The following SCAPER variants were observed in gnomAD, a reference collection of about 807,000 sequenced individuals.
SCAPER encodes the protein S-phase cyclin A associated protein in the ER, also known as S phase cyclin A-associated protein in the endoplasmic reticulum.
In SCAPER, 98 loss-of-function variants were observed where a neutral mutation model predicts 182.2. The ratio of observed to expected loss-of-function variants is 0.54; its 90% CI spans 0.46 to 0.64. The LOEUF (loss-of-function observed/expected upper bound fraction) is 0.64, where lower values mean the gene tolerates loss of function less well. SCAPER is among the 30% of genes least tolerant of loss of function. The pLI, the probability that SCAPER is intolerant of heterozygous loss-of-function variation, is 0.00. For missense variants in SCAPER, 1,432 were observed against 1,690.0 expected (o/e 0.85, Z 2.68); for synonymous variants, 605 against 564.6 (o/e 1.07, Z -1.01).
In SCAPER at chr15:76,804,641, A is replaced by G; in HGVS notation, c.394-8T>C. 1 of 1,549,024 alleles carries G rather than the reference A, an allele frequency of 6.5e-7. No individual in the cohort carries two copies. Among genetic ancestry groups the G allele is most frequent in the Non-Finnish European group, 8.7e-7 (1 of 1,143,450 alleles). ...CAGCATCATTAGCACCTCCTAAAAGAAACAAAACAAAAAAAAATTAAATTC... is the reference window on the plus strand; with the variant it reads ...CAGCATCATTAGCACCTCCTAAAAGGAACAAAACAAAAAAAAATTAAATTC... On this transcript the variant is annotated splice_region_variant and splice_polypyrimidine_tract_variant and intron_variant, in intron 5 of 31. Transcript: ENST00000563290.
intron 10 of SCAPER, among the ~76,000 whole-genome samples, chr15:76,770,081 A>C (rs547064938): frequency 1.3e-5 from 2 of 152,172 alleles, no homozygotes; most frequent in Non-Finnish European, 2.9e-5. Flanking sequence ...GGAAACCATC[A>C]TTCTAAGCAA....
At chr15:76,791,607 C>A (rs551212415) in intron 8 of SCAPER, among the ~76,000 whole-genome samples, 2 of 151,168 alleles carry the variant, frequency 1.3e-5, no homozygotes, top group South Asian at 2.1e-4. Flanking sequence ...GGAATTGAGT[C>A]AAAAAATCTT....
At chr15:76,533,544 T>A (rs1166050970) in intron 23 of SCAPER, among the ~76,000 whole-genome samples, 1 of 152,052 alleles carries the variant, frequency 6.6e-6, no homozygotes, top group Non-Finnish European at 1.5e-5. Context: ...GTAAGTATAC[T>A]CTATGATGTT....
rs944402151 is a variant in SCAPER, at chr15:76,592,738, A to C, written c.2712-18454T>G. On this transcript the variant is annotated intron_variant, in intron 22 of 31. Transcript: ENST00000563290. The stretch of plus-strand genomic sequence containing the variant: ...AAGGGTTTGGGGAACTCCCTCCCCT[A>C]GCCAAGGGAAGCCTTGAGGGACTGT... Among the ~76,000 whole-genome samples the C allele has an allele frequency of 4.1e-5, 5 of 121,934 alleles. 1 individual carries two copies. The highest frequency in any genetic ancestry group is 1.3e-4 in the African/African-American group (5 of 39,830). The allele number at this position is 121,934 out of a possible 152,430, so 80.0% of individuals were successfully genotyped here. A position where few individuals can be genotyped will look rare whatever the true frequency, so the allele number is the denominator to read the frequency against.
chr15:76,678,195 A>G (rs1383355302), intron 20 of SCAPER, among the ~76,000 whole-genome samples: 1 of 152,108 alleles, frequency 6.6e-6, no homozygotes. Flanking sequence ...AGAAAATCAG[A>G]GTTTTTCAAA....
At chr15:76,667,167 T>C (rs555945567) in intron 20 of SCAPER, among the ~76,000 whole-genome samples, 52 of 152,290 alleles carry the variant, frequency 3.4e-4, no homozygotes, top group South Asian at 6.2e-4. Flanking sequence ...AATCTACAAA[T>C]TTTCCTTGTC....
intron 16 of SCAPER, among the ~76,000 whole-genome samples, chr15:76,731,246 C>T (rs186411520): frequency 3.9e-5 from 6 of 152,226 alleles, no homozygotes; most frequent in Admixed American, 3.3e-4. Flanking sequence ...ACCTCTCAGA[C>T]CCCTTCATAT....
intron 25 of SCAPER, among the ~76,000 whole-genome samples, chr15:76,457,885 A>T (rs1409026921): frequency 6.6e-6 from 1 of 152,150 alleles, no homozygotes; most frequent in African/African-American, 2.4e-5. Flanking sequence ...CTGAAGATAG[A>T]AATTTTCACT....
At chr15:76,895,912 C>T (rs146818324) in intron 1 of SCAPER, among the ~76,000 whole-genome samples, 99 of 151,718 alleles carry the variant, frequency 6.5e-4, no homozygotes, top group African/African-American at 2.2e-3. Flanking sequence ...TGGTGGCAGG[C>T]GACTGTAGTC....
intron 25 of SCAPER, among the ~76,000 whole-genome samples, chr15:76,437,041 T>G (rs1238857404): frequency 6.6e-6 from 1 of 152,198 alleles, no homozygotes; most frequent in African/African-American, 2.4e-5. Context: ...CTAAATCACT[T>G]TGTTTTTGTA....
chr15:76,846,984 T>C (rs1808340445), intron 4 of SCAPER, among the ~76,000 whole-genome samples: 1 of 151,904 alleles, frequency 6.6e-6, no homozygotes, highest in Non-Finnish European at 1.5e-5. Context: ...AATGTACATA[T>C]ACACAATGAA....
intron 3 of SCAPER, among the ~76,000 whole-genome samples, chr15:76,859,436 G>A (rs1219524324): frequency 6.6e-6 from 1 of 152,118 alleles, no homozygotes; most frequent in Admixed American, 6.5e-5. Context: ...GTACCAGCAG[G>A]TTTTTAGAAT....
intron 21 of SCAPER, among the ~76,000 whole-genome samples, chr15:76,627,758 A>G (rs984348550): frequency 6.6e-6 from 1 of 151,948 alleles, no homozygotes; most frequent in Admixed American, 6.6e-5. Flanking sequence ...GAACATACGC[A>G]CACATGTACC....
intron 26 of SCAPER, among the ~76,000 whole-genome samples, chr15:76,431,993 A>G (rs1363784094): frequency 6.6e-6 from 1 of 152,196 alleles, no homozygotes; most frequent in Non-Finnish European, 1.5e-5. Flanking sequence ...AGGATTTGGT[A>G]ATTATAATAA....
At chr15:76,668,432 G>A (rs1306942741) in intron 20 of SCAPER, among the ~76,000 whole-genome samples, 1 of 152,110 alleles carries the variant, frequency 6.6e-6, no homozygotes, top group Non-Finnish European at 1.5e-5. Context: ...CTGAGTCATT[G>A]ATCTCTCTGA....
chr15:76,767,958 C>G lies in SCAPER; in HGVS notation c.1249-870G>C, dbSNP rs11852605. Among the ~76,000 whole-genome samples, 1,230 of 151,982 alleles carry G rather than the reference C, an allele frequency of 8.1e-3. 11 individuals carry two copies. Among genetic ancestry groups the G allele is most frequent in the African/African-American group, 0.028 (1,166 of 41,456 alleles). On this transcript the variant is annotated intron_variant, in intron 10 of 31. Transcript: ENST00000563290. Reference sequence around the variant, plus strand: ...CAGATTTCAGTGCAAAAAATATCACCAGGAATAAAGAAGACCAATTTATAA... The same window carrying G: ...CAGATTTCAGTGCAAAAAATATCACGAGGAATAAAGAAGACCAATTTATAA...
intron 20 of SCAPER, among the ~76,000 whole-genome samples, chr15:76,669,676 G>A (rs1164051085): frequency 6.6e-6 from 1 of 152,154 alleles, no homozygotes; most frequent in East Asian, 1.9e-4. Context: ...AAATCTCAAA[G>A]AAGTTTGGTA....
At chr15:76,859,209 C>T (rs1297668186) in intron 3 of SCAPER, among the ~76,000 whole-genome samples, 14 of 152,276 alleles carry the variant, frequency 9.2e-5, no homozygotes, top group Middle Eastern at 3.4e-3. Context: ...GGGCCAGGTC[C>T]CCTGAAGCAA....
chr15:76,587,926 CTTT>C (rs377318110), intron 22 of SCAPER, among the ~76,000 whole-genome samples: 1 of 144,396 alleles, frequency 6.9e-6, no homozygotes, highest in African/African-American at 2.5e-5. Context: ...TTTTTCTTTT[CTTT>C]TTTTTTTTTT....
Sources: allele counts gnomAD v4.1 joint callset (sites outside exome capture counted in the v4.1 genomes callset), GRCh38; gene constraint gnomAD v4.1.1; transcripts MANE v1.5; gene names NCBI Gene and HGNC (gene_info 2026-07-23, HGNC 2026-07-21).